Variants in CHD4 observed in about 807,000 individuals in gnomAD.
The protein encoded by CHD4 is chromodomain helicase DNA binding protein 4, also known as ATP-dependent chromatin remodeler CHD4.
Under a neutral mutation model 235.5 loss-of-function variants are expected in CHD4, and 35 were observed. That is an observed-to-expected ratio of 0.15 (90% CI 0.11 to 0.20). The LOEUF (loss-of-function observed/expected upper bound fraction) is 0.20. Ranked by LOEUF, CHD4 falls within the 10% of genes least tolerant of loss-of-function variation. The pLI is 1.00. For missense variants in CHD4, 1,329 were observed against 2,432.3 expected, an observed-to-expected ratio of 0.55 and a Z score of 9.54; for synonymous variants, 900 against 850.2, an observed-to-expected ratio of 1.06 and a Z score of -1.02.
Position 6,606,349 on chromosome 12 carries a change from A to T in CHD4, c.25T>A (p.Ser9Thr). ...TCCTCACTGCCCGCCGAGCAGGGGG[A>T]CGGGGAGCCCAGGCCCGACGCCATC... MASGLGSP[S>T]PCSAGSEEED... Residue 9 changes from serine (S) to threonine (T), a missense_variant, in exon 2 of 40, where the codon TCC becomes ACC. Physicochemically the swap from Ser to Thr is moderately conservative, Grantham distance 58. Coordinates refer to ENST00000544040, the MANE Select transcript of CHD4 (RefSeq NM_001273.5). 6.4e-7 allele frequency: 1 copy of T among 1,569,854 alleles called. No homozygotes were observed. The highest frequency in any genetic ancestry group is 8.6e-7 in the Non-Finnish European group (1 of 1,161,206).
At chr12:6,589,515 TC>T (rs1339705807) in intron 22 of CHD4, among the ~76,000 whole-genome samples, 1 of 152,098 alleles carries the variant, frequency 6.6e-6, no homozygotes, top group Non-Finnish European at 1.5e-5. Flanking sequence ...ACGCCTGTAA[TC>T]CCAGCACTTT....
At chr12:6,590,763 G>A (rs989069061) in intron 22 of CHD4, among the ~76,000 whole-genome samples, 1 of 152,162 alleles carries the variant, frequency 6.6e-6, no homozygotes. Context: ...TGTCCAGGCT[G>A]TAGTAAGCCA....
At position 6,582,767 on chromosome 12, in the gene CHD4, C is replaced by T; in HGVS notation, c.4237-19G>A. ...CAAGTACCTAGGGGAAGAAGAAACC[C>T]AGGTGAGAGGCAGCAGGTCGCATTC... On this transcript the variant is annotated intron_variant, in intron 28 of 39. Transcript: ENST00000544040. 1.2e-6 allele frequency: 2 copies of T among 1,614,066 alleles called. No individual in the cohort carries two copies. The highest frequency in any genetic ancestry group is 1.7e-6 in the Non-Finnish European group (2 of 1,180,024).
In CHD4 at chr12:6,601,444, T is replaced by C; in HGVS notation, c.644A>G (p.Asn215Ser). The change falls in exon 6 of 40, where the codon AAT (asparagine) becomes AGT (serine). Residue 215 changes from asparagine to serine, a missense_variant. By Grantham distance (46) the Asn-to-Ser change is conservative (BLOSUM62 1). Around this residue, in one of 26 missense-constraint regions of CHD4, gnomAD observed 160 missense variants for 196.6 expected, o/e 0.81. Transcript: ENST00000544040. ...LGAKWREFST[N>S]NPFKGSSGAS... ...CCCAGAACTGCCTTTGAAGGGGTTA[T>C]TGGTACTGAACTCCCGCCATTTTGC... is the stretch of plus-strand genomic sequence containing the variant. The C allele has an allele frequency of 6.2e-7, 1 of 1,614,190 alleles. No individual in the cohort carries two copies. The highest frequency in any genetic ancestry group is 8.5e-7 in the Non-Finnish European group (1 of 1,180,042).
In CHD4 at chr12:6,581,786, C is replaced by T. The variant is rs963028335; in HGVS notation, c.4544G>A (p.Arg1515His). 16 of 1,543,502 alleles carry T rather than the reference C, an allele frequency of 1.0e-5. No individual in the cohort carries two copies. The Admixed American group carries it at 2.0e-4, about 20-fold the overall frequency. Residue 1515 changes from arginine (R) to histidine (H), a missense_variant, in exon 31 of 40, where the codon CGC becomes CAC. Around this residue, in one of 26 missense-constraint regions of CHD4, gnomAD observed 219 missense variants for 219.3 expected, o/e 1.00. Transcript: ENST00000544040. ...CTCAGCCAGTTCAGGCATGCTCCAGCGCCCATTAACATGTTCAAACTCCTG... is the reference window on the plus strand; with the variant it reads ...CTCAGCCAGTTCAGGCATGCTCCAGTGCCCATTAACATGTTCAAACTCCTG... ...KVQEFEHVNG[R>H]WSMPELAEVE...
At chr12:6,588,035 G>T in intron 23 of CHD4, 86 bp from the exon 24 acceptor site, 2 of 1,402,254 alleles carry the variant, frequency 1.4e-6, no homozygotes, top group Non-Finnish European at 2.0e-6. Context: ...TCTAAATTCA[G>T]TACAAGGCAA....
At chr12:6,607,027 G>C (rs1254522767) in intron 1 of CHD4, 1 of 150,200 alleles carries the variant, frequency 6.7e-6, no homozygotes, top group African/African-American at 2.5e-5. Context: ...CGGGGGGCAA[G>C]TGATCAAAGG....
Position 6,599,897 on chromosome 12 carries a change from C to T in CHD4, c.1358G>A (p.Arg453Gln). The change falls in exon 10 of 40, where the codon CGG (arginine) becomes CAG (glutamine). Residue 453 changes from arginine to glutamine, a missense_variant. Around this residue, in one of 26 missense-constraint regions of CHD4, gnomAD observed 33 missense variants for 84.2 expected, o/e 0.39. Coordinates refer to ENST00000544040, the MANE Select transcript of CHD4 (RefSeq NM_001273.5). ...EEDDHHMEFC[R>Q]VCKDGGELLC... ...CAGTTCCCCACCATCCTTGCAGACCCGACAGAATTCCATATGGTGGTCATC... is the reference window on the plus strand; with the variant it reads ...CAGTTCCCCACCATCCTTGCAGACCTGACAGAATTCCATATGGTGGTCATC... The T allele has an allele frequency of 1.2e-6, 2 of 1,614,100 alleles. No individual in the cohort carries two copies.
intron 10 of CHD4, among the ~76,000 whole-genome samples, 182 bp downstream of exon 10, chr12:6,599,591 G>A (rs550580615): frequency 6.6e-6 from 1 of 152,288 alleles, no homozygotes; most frequent in Admixed American, 6.5e-5. Flanking sequence ...CAACTCCTCA[G>A]TTTGAAGTTA....
intron 25 of CHD4, 128 bp downstream of exon 25, chr12:6,587,256 G>A: frequency 1.1e-6 from 1 of 883,412 alleles, no homozygotes; most frequent in Non-Finnish European, 1.8e-6. Flanking sequence ...TTCAAAGGAA[G>A]AGGATCAATT....
chr12:6,604,149 CCT>C (rs1483513817), intron 2 of CHD4, among the ~76,000 whole-genome samples: 1 of 152,138 alleles, frequency 6.6e-6, no homozygotes, highest in African/African-American at 2.4e-5. Flanking sequence ...GTGGTGGGTG[CCT>C]GTAATCCCAG....
In CHD4 at chr12:6,578,080, T is replaced by A; in HGVS notation, c.5177A>T (p.Tyr1726Phe). 2 of 1,613,392 alleles carry A rather than the reference T, an allele frequency of 1.2e-6. No homozygotes were observed. Among genetic ancestry groups the A allele is most frequent in the East Asian group, 4.5e-5 (2 of 44,890 alleles). ...ERAATVTKKT[Y>F]EIWHRRHDYW... ...GTCATGCCGTCGATGCCAGATCTCA[T>A]AAGTCTTCTTGGTAACTGTGGCTGC... The change falls in exon 36 of 40, where the codon TAT becomes TTT. Residue 1726 changes from tyrosine (Y) to phenylalanine (F), a missense_variant. Physicochemically the swap from Tyr to Phe is conservative, Grantham distance 22. Around this residue, in one of 26 missense-constraint regions of CHD4, gnomAD observed 135 missense variants for 282.3 expected, o/e 0.48. Transcript: ENST00000544040.
chr12:6,588,069 A>C (rs1948329261), intron 23 of CHD4, 120 bp from the exon 24 acceptor site: 2 of 1,212,336 alleles, frequency 1.6e-6, no homozygotes, highest in African/African-American at 3.0e-5. Context: ...CATTCATAGG[A>C]AACTTCCTTT....
Position 6,591,454 on chromosome 12 carries a change from C to T in CHD4, c.3340+12G>A. On this transcript the variant is annotated intron_variant, in intron 22 of 39. Transcript: ENST00000544040. ...GAGGATTCCTGAAACTAAACAACTCCTTCTCTCTCACCATTGAAGCGGTCA... is the reference window on the plus strand; with the variant it reads ...GAGGATTCCTGAAACTAAACAACTCTTTCTCTCTCACCATTGAAGCGGTCA... 6.2e-7 allele frequency: 1 copy of T among 1,605,712 alleles called. No individual in the cohort carries two copies. The highest frequency in any genetic ancestry group is 1.7e-5 in the Admixed American group (1 of 59,438).
chr12:6,579,648 G>C (rs1264679465), intron 33 of CHD4: 4 of 151,098 alleles, frequency 2.6e-5, no homozygotes, highest in Admixed American at 2.0e-4. Context: ...CTACTCAGCA[G>C]ACTGAGGCAG....
chr12:6,601,125 G>A, intron 6 of CHD4, 72 bp from the exon 7 acceptor site: 3 of 1,524,876 alleles, frequency 2.0e-6, no homozygotes, highest in Non-Finnish European at 2.6e-6. Flanking sequence ...CTCCACCTAA[G>A]CTTGCTTCCC....
chr12:6,581,359 G>T lies in CHD4; in HGVS notation c.4711C>A (p.Leu1571Ile). 1 of 1,613,980 alleles carries T rather than the reference G, an allele frequency of 6.2e-7. No individual in the cohort carries two copies. Among genetic ancestry groups the T allele is most frequent in the Non-Finnish European group, 8.5e-7 (1 of 1,179,980 alleles). ...EDGIKIEENS[L>I]KEEESIEGEK... ...CCTTCTATGCTCTCTTCTTCTTTGAGGCTATTTTCCTCTATTTTTATCCCA... is the reference window on the plus strand; with the variant it reads ...CCTTCTATGCTCTCTTCTTCTTTGATGCTATTTTCCTCTATTTTTATCCCA... The change falls in exon 32 of 40, where the codon CTC becomes ATC. Residue 1571 changes from leucine to isoleucine, a missense_variant. Leu to Ile is a conservative substitution (Grantham distance 5, BLOSUM62 2). Coordinates refer to ENST00000544040, the MANE Select transcript of CHD4 (RefSeq NM_001273.5).
chr12:6,583,747 T>C, intron 25 of CHD4: 1 of 179,204 alleles, frequency 5.6e-6, no homozygotes, highest in Middle Eastern at 2.3e-3. Flanking sequence ...TCTGAAGTAC[T>C]GTAAAAGATT....
intron 12 of CHD4, among the ~76,000 whole-genome samples, chr12:6,597,503 C>T (rs1948520422): frequency 1.3e-5 from 2 of 151,896 alleles, no homozygotes; most frequent in African/African-American, 4.8e-5. Context: ...TGGCTCACGC[C>T]TGTTAATCCT....
Sources: allele counts gnomAD v4.1 joint callset (sites outside exome capture counted in the v4.1 genomes callset), GRCh38; gene constraint gnomAD v4.1.1; regional missense constraint gnomAD v4.1.1; transcripts MANE v1.5; gene names NCBI Gene and HGNC (gene_info 2026-07-23, HGNC 2026-07-21).